COPA: variants seen among roughly 807,000 people sequenced by gnomAD.
The protein encoded by COPA is coat protein complex I subunit alpha, also known as coatomer subunit alpha.
A neutral mutation model predicts 158.7 loss-of-function variants in COPA; 10 were observed. The observed-to-expected ratio is 0.06, with a 90% CI of 0.04 to 0.11. The LOEUF (loss-of-function observed/expected upper bound fraction) is 0.11. COPA is among the 10% of genes least tolerant of loss of function. The pLI is 1.00. For missense variants in COPA, 1,065 were observed against 1,536.7 expected, an observed-to-expected ratio of 0.69 and a Z score of 5.13; for synonymous variants, 462 against 542.8, an observed-to-expected ratio of 0.85 and a Z score of 2.07.
intron 10 of COPA, among the ~76,000 whole-genome samples, chr1:160,312,528 C>T (rs1658999819): frequency 6.6e-6 from 1 of 152,228 alleles, no homozygotes; most frequent in African/African-American, 2.4e-5. Context: ...CACTCTTGTT[C>T]TCCTACTGTC....
intron 6 of COPA, among the ~76,000 whole-genome samples, chr1:160,329,178 C>T (rs1647392553): frequency 6.6e-6 from 1 of 152,200 alleles, no homozygotes; most frequent in Admixed American, 6.5e-5. Context: ...GCTTCTTGCA[C>T]TTTGTTAAAT....
At chr1:160,320,607 T>TCAAA in intron 8 of COPA, among the ~76,000 whole-genome samples, 1 of 7,112 alleles carries the variant, frequency 1.4e-4, no homozygotes. Flanking sequence ...AGACTCCAAC[T>TCAAA]CAAAAAAAAA....
intron 7 of COPA, among the ~76,000 whole-genome samples, chr1:160,324,170 T>C (rs2101861166): frequency 6.6e-6 from 1 of 152,218 alleles, no homozygotes. Flanking sequence ...CGAAAACTTT[T>C]ATAACTTAAT....
chr1:160,341,327 A>G (rs1222567394), intron 1 of COPA, among the ~76,000 whole-genome samples: 1 of 152,232 alleles, frequency 6.6e-6, no homozygotes, highest in African/African-American at 2.4e-5. Context: ...TTAACTATAT[A>G]ATATGGATCT....
intron 17 of COPA, among the ~76,000 whole-genome samples, chr1:160,304,455 A>G (rs1658715309): frequency 6.6e-6 from 1 of 151,812 alleles, no homozygotes; most frequent in Non-Finnish European, 1.5e-5. Context: ...CACAAGGTCA[A>G]GAGCTCAAAA....
At chr1:160,298,275 C>T (rs1216338938) in intron 19 of COPA, among the ~76,000 whole-genome samples, 1 of 152,142 alleles carries the variant, frequency 6.6e-6, no homozygotes, top group Non-Finnish European at 1.5e-5. Flanking sequence ...TATCCTCCTC[C>T]TCCTCCTCAG....
intron 12 of COPA, among the ~76,000 whole-genome samples, chr1:160,309,630 A>G (rs1342865362): frequency 6.6e-6 from 1 of 152,164 alleles, no homozygotes; most frequent in Non-Finnish European, 1.5e-5. Flanking sequence ...AGAGTATGGG[A>G]CTACTAGATA....
chr1:160,318,483 AAAAAAAAAC>A lies in COPA; in HGVS notation c.707-4367_707-4359del, dbSNP rs1557870036. ...ACAATATTTGTAAAAAAAAAAAAAAAAAAAAAAACAAAAAAAAAAAAAAAACACTAATGT... is the reference window on the plus strand; with the variant it reads ...ACAATATTTGTAAAAAAAAAAAAAAAAAAAAAAAAAAAAAAACACTAATGT... On this transcript the variant is annotated intron_variant, in intron 8 of 32. Coordinates refer to ENST00000241704, the MANE Select transcript of COPA (RefSeq NM_004371.4). Among the ~76,000 whole-genome samples, 149 of 68,632 alleles carry A rather than the reference AAAAAAAAAC, an allele frequency of 2.2e-3. 2 individuals are homozygous for A. The highest frequency in any genetic ancestry group is 0.02 in the Middle Eastern group (2 of 98). The allele number at this position is 68,632 out of a possible 152,430, so 45.0% of individuals were successfully genotyped here.
At position 160,323,481 on chromosome 1, in the gene COPA, A is replaced by C; in HGVS notation, c.656T>G (p.Leu219Arg). The C allele has an allele frequency of 6.2e-7, 1 of 1,610,976 alleles. No homozygotes were observed. Among genetic ancestry groups the C allele is most frequent in the Non-Finnish European group, 8.5e-7 (1 of 1,178,132 alleles). ...NWAAFHPTMP[L>R]IVSGADDRQV... ...ACGATCATCTGCCCCAGATACAATA[A>C]GGGGCATAGTGGGGTGGAAGGCAGC... The change falls in exon 8 of 33, where the codon CTT becomes CGT. Residue 219 changes from leucine to arginine, a missense_variant. Leu to Arg is a moderately radical substitution (Grantham distance 102). Around this residue, in one of 2 missense-constraint regions of COPA, gnomAD observed 980 missense variants for 1,357.8 expected, o/e 0.72. Transcript: ENST00000241704.
chr1:160,340,377 A>G (rs986059854), intron 1 of COPA, 83 bp from the exon 2 acceptor site: 21 of 839,446 alleles, frequency 2.5e-5, no homozygotes, highest in Non-Finnish European at 3.5e-5. Context: ...AAAAAGAAAC[A>G]TCAAGGTTAA....
intron 14 of COPA, 99 bp from the exon 15 acceptor site, chr1:160,306,592 A>G (rs1322152774): frequency 2.0e-6 from 3 of 1,476,290 alleles, no homozygotes; most frequent in Non-Finnish European, 2.8e-6. Flanking sequence ...AGCTTCAATT[A>G]ACTAAGTATT....
chr1:160,342,589 G>A (rs537583957), intron 1 of COPA, among the ~76,000 whole-genome samples: 57 of 152,304 alleles, frequency 3.7e-4, no homozygotes, highest in African/African-American at 1.4e-3. Context: ...ACTCTATCAA[G>A]TTGAGACTTT....
At chr1:160,337,131 G>C (rs981726582) in intron 3 of COPA, among the ~76,000 whole-genome samples, 2 of 152,070 alleles carry the variant, frequency 1.3e-5, no homozygotes, top group African/African-American at 2.4e-5. Flanking sequence ...TCCCCTTATA[G>C]AGTTCAGTGT....
chr1:160,306,314 A>C (rs757555368), intron 15 of COPA, 40 bp downstream of exon 15: 1 of 1,533,942 alleles, frequency 6.5e-7, no homozygotes, highest in Admixed American at 2.2e-5. Flanking sequence ...CACTCTCCCC[A>C]ACTACAGGGC....
intron 11 of COPA, among the ~76,000 whole-genome samples, chr1:160,311,434 T>G (rs1186363953): frequency 1.4e-5 from 2 of 139,120 alleles, no homozygotes; most frequent in East Asian, 4.3e-4. Context: ...TGAGACTCCA[T>G]CTCAAAAAAA....
chr1:160,311,523 G>A (rs1236135615), intron 11 of COPA, among the ~76,000 whole-genome samples: 1 of 152,138 alleles, frequency 6.6e-6, no homozygotes, highest in Non-Finnish European at 1.5e-5. Context: ...GCCAAGCCAG[G>A]CAGATCATGA....
chr1:160,328,681 G>C (rs1647365321), intron 6 of COPA, among the ~76,000 whole-genome samples: 1 of 152,176 alleles, frequency 6.6e-6, no homozygotes, highest in Admixed American at 6.5e-5. Flanking sequence ...ACATGCAAAG[G>C]TATAAGCATA....
intron 5 of COPA, 175 bp downstream of exon 5, chr1:160,333,428 T>G: frequency 2.0e-6 from 1 of 489,970 alleles, no homozygotes; most frequent in Admixed American, 3.6e-5. Flanking sequence ...GATTCATATA[T>G]GGGATTGCCT....
At chr1:160,314,749 C>A (rs1392841481) in intron 8 of COPA, among the ~76,000 whole-genome samples, 1 of 152,034 alleles carries the variant, frequency 6.6e-6, no homozygotes, top group Non-Finnish European at 1.5e-5. Context: ...TTTCAGGGAC[C>A]TGCCACTTTA....
Sources: allele counts gnomAD v4.1 joint callset (sites outside exome capture counted in the v4.1 genomes callset), GRCh38; gene constraint gnomAD v4.1.1; regional missense constraint gnomAD v4.1.1; transcripts MANE v1.5; gene names NCBI Gene and HGNC (gene_info 2026-07-23, HGNC 2026-07-21).